The following ADA2 variants were observed in gnomAD, a reference collection of about 807,000 sequenced individuals.
ADA2 encodes the protein adenosine deaminase CECR1.
In ADA2, 29 loss-of-function variants were observed where a neutral mutation model predicts 44.2. The ratio of observed to expected loss-of-function variants is 0.66; its 90% CI spans 0.49 to 0.89. ADA2 has a LOEUF of 0.89. Ranked by LOEUF, ADA2 falls within the 40% of genes least tolerant of loss-of-function variation. The pLI is 0.00. For synonymous variants in ADA2, 215 were observed against 234.9 expected (o/e 0.92, Z 0.77); for missense variants, 637 against 644.8 (o/e 0.99, Z 0.13).
Position 17,203,735 on chromosome 22 carries a change from T to A in ADA2, c.581A>T (p.Glu194Val). ...AACATTTTGGTTTGTGTAAATCACC[T>A]CCGGGTGCTGGGTCACCAGAGTGAA... ...RNFTLVTQHP[E>V]VIYTNQNVVW... The change falls in exon 4 of 10, where the codon GAG (glutamate) becomes GTG (valine). Residue 194 changes from glutamate (E) to valine (V), a missense_variant. By Grantham distance (121) the Glu-to-Val change is moderately radical (BLOSUM62 -2). Transcript: ENST00000399837. 1 of 1,614,096 alleles carries A rather than the reference T, an allele frequency of 6.2e-7. No individual in the cohort carries two copies. The highest frequency in any genetic ancestry group is 8.5e-7 in the Non-Finnish European group (1 of 1,179,948).
chr22:17,211,879 G>T (rs2062422239), intron 1 of ADA2, among the ~76,000 whole-genome samples: 1 of 151,834 alleles, frequency 6.6e-6, no homozygotes, highest in Non-Finnish European at 1.5e-5. Context: ...AGTGAGCCAA[G>T]ATCGTGCCAC....
intron 1 of ADA2, among the ~76,000 whole-genome samples, chr22:17,212,223 C>T (rs1474460860): frequency 6.6e-6 from 1 of 152,012 alleles, no homozygotes; most frequent in Non-Finnish European, 1.5e-5. Context: ...GATGGGGTTT[C>T]ACCACGTTGG....
In ADA2 at chr22:17,193,393, G is replaced by A. The variant is rs185848239; in HGVS notation, c.754-1583C>T. The A allele has an allele frequency of 2.3e-3, 960 of 413,010 alleles. 11 individuals are homozygous for A. Among genetic ancestry groups the A allele is most frequent in the African/African-American group, 0.019 (838 of 44,900 alleles). The allele number at this position is 413,010 out of a possible 1,614,324, so 25.6% of individuals were successfully genotyped here. On this transcript the variant is annotated intron_variant, in intron 4 of 9. Coordinates refer to ENST00000399837, the MANE Select transcript of ADA2 (RefSeq NM_001282225.2). Reference sequence around the variant, plus strand: ...AAAAAAAAAAAAAAAAAAGGACAGCGCGGTGGCTCACGCCTGTAATCCCAG... The same window carrying A: ...AAAAAAAAAAAAAAAAAAGGACAGCACGGTGGCTCACGCCTGTAATCCCAG...
In ADA2 at chr22:17,207,395, G is replaced by A. The variant is rs1184338606; in HGVS notation, c.323-105C>T. 1.4e-5 allele frequency: 11 copies of A among 797,544 alleles called. No individual in the cohort carries two copies. The Admixed American group carries it at 2.8e-4, about 20-fold the overall frequency. 49.4% of individuals were successfully genotyped at this position (797,544 alleles called of 1,614,324 possible). ...GGTGAAGTCCCATCCCAGGACTCTG[G>A]GGCTGTGGGGACAAAGGGGTGAAGT... On this transcript the variant is annotated intron_variant, in intron 2 of 9. Transcript: ENST00000399837.
At chr22:17,200,914 G>A (rs1016387952) in intron 4 of ADA2, among the ~76,000 whole-genome samples, 16 of 150,796 alleles carry the variant, frequency 1.1e-4, no homozygotes, top group African/African-American at 3.9e-4. Flanking sequence ...AAGGAAAAAG[G>A]TGGGTCAGTC....
chr22:17,216,772 ACAC>A (rs2062477825), intron 1 of ADA2, among the ~76,000 whole-genome samples: 1 of 103,480 alleles, frequency 9.7e-6, no homozygotes, highest in South Asian at 3.0e-4. Context: ...AAAAAAAAAA[ACAC>A]ACACACACAC....
intron 7 of ADA2, 93 bp downstream of exon 7, chr22:17,188,246 G>GCCT: frequency 1.2e-6 from 1 of 826,032 alleles, no homozygotes; most frequent in Non-Finnish European, 2.0e-6. Flanking sequence ...CTCTGGAAAC[G>GCCT]CCTGTAGGCT....
At chr22:17,210,242 G>C (rs1428931922) in intron 1 of ADA2, among the ~76,000 whole-genome samples, 1 of 149,250 alleles carries the variant, frequency 6.7e-6, no homozygotes, top group Non-Finnish European at 1.5e-5. Flanking sequence ...CTAGGCTGGA[G>C]TGTAATGGTG....
At position 17,190,157 on chromosome 22, in the gene ADA2, GGCACCCCT is replaced by G. The variant is rs899223705; in HGVS notation, c.882-133_882-126del. 9 of 714,228 alleles carry G rather than the reference GGCACCCCT, an allele frequency of 1.3e-5. No individual in the cohort carries two copies. The African/African-American group carries it at 1.6e-4, about 12-fold the overall frequency. The allele number at this position is 714,228 out of a possible 1,614,324, so 44.2% of individuals were successfully genotyped here. ...TGCAGGTCCCGTTTCCCAAACCTGA[GGCACCCCT>G]GCCCTCCTGACCCCACCCTGACCAG... On this transcript the variant is annotated intron_variant, in intron 5 of 9. Transcript: ENST00000399837.
Position 17,188,868 on chromosome 22 carries a change from A to AAAAAAAAAAAAAAATATATATATATATAT in ADA2, c.973-422_973-421insATATATATATATATATTTTTTTTTTTTTT. 9.5e-4 allele frequency: 77 copies of AAAAAAAAAAAAAAATATATATATATATAT among 81,140 alleles called. 2 individuals are homozygous for AAAAAAAAAAAAAAATATATATATATATAT. The highest frequency in any genetic ancestry group is 1.5e-3 in the South Asian group (3 of 1,982). The allele number at this position is 81,140 out of a possible 1,614,324, so 5.0% of individuals were successfully genotyped here. A position where few individuals can be genotyped will look rare whatever the true frequency, so the allele number is the denominator to read the frequency against. On this transcript the variant is annotated intron_variant, in intron 6 of 9. Coordinates refer to ENST00000399837, the MANE Select transcript of ADA2 (RefSeq NM_001282225.2). ...CACTACAGCCTGGCCAAGAGCAAAAAATATATATATATATATATTTTGTAA... is the reference window on the plus strand; with the variant it reads ...CACTACAGCCTGGCCAAGAGCAAAAAAAAAAAAAAAAAAATATATATATATATATATATATATATATATATATTTTGTAA...
chr22:17,186,513 C>G lies in ADA2; in HGVS notation c.1081+1826G>C, dbSNP rs189049397. Among the ~76,000 whole-genome samples, 363 of 152,006 alleles carry G rather than the reference C, an allele frequency of 2.4e-3. 1 individual carries two copies. The highest frequency in any genetic ancestry group is 8.3e-3 in the African/African-American group (344 of 41,470). On this transcript the variant is annotated intron_variant, in intron 7 of 9. Coordinates refer to ENST00000399837, the MANE Select transcript of ADA2 (RefSeq NM_001282225.2). ...ACGAGAATCACTTGAACCTGGCAGC[C>G]AGAGGTTGCAGTGAGCCGAGATCGC...
At chr22:17,191,585 C>A (rs1288422935) in intron 5 of ADA2, 98 bp downstream of exon 5, 1 of 1,338,036 alleles carries the variant, frequency 7.5e-7, no homozygotes, top group Non-Finnish European at 1.0e-6. Flanking sequence ...CCTCTCCCGG[C>A]CTCCCAGCCC....
chr22:17,190,726 C>T (rs1340251696), intron 5 of ADA2, among the ~76,000 whole-genome samples: 1 of 152,216 alleles, frequency 6.6e-6, no homozygotes, highest in Non-Finnish European at 1.5e-5. Flanking sequence ...CCTGGGGGCA[C>T]TGATGCACTC....
At chr22:17,199,416 T>TCCTCCCTACCCTCCTCTATCCTCTTCC in intron 4 of ADA2, 4 of 429,630 alleles carry the variant, frequency 9.3e-6, no homozygotes, top group East Asian at 3.9e-5. Context: ...TCTCAGCGTC[T>TCCTCCCTACCCTCCTCTATCCTCTTCC]CCTCCCTCCC....
upstream of ADA2, among the ~76,000 whole-genome samples, chr22:17,221,443 G>A (rs1348916180): frequency 1.4e-5 from 2 of 145,468 alleles, no homozygotes; most frequent in Non-Finnish European, 3.0e-5. Context: ...CCCCAGCCCC[G>A]ACCCCCCCGA....
At chr22:17,196,070 G>T (rs2062186828) in intron 4 of ADA2, among the ~76,000 whole-genome samples, 1 of 151,830 alleles carries the variant, frequency 6.6e-6, no homozygotes, top group African/African-American at 2.4e-5. Context: ...ATTTTGGCTG[G>T]GTGCAATAGC....
chr22:17,183,751 C>T (rs577436046), intron 7 of ADA2, among the ~76,000 whole-genome samples: 38 of 152,060 alleles, frequency 2.5e-4, no homozygotes, highest in African/African-American at 8.4e-4. Flanking sequence ...CATGAGCCAC[C>T]GCACCGGGCT....
Position 17,198,079 on chromosome 22 carries a change from C to T in ADA2, c.753+5484G>A, listed in dbSNP as rs530987748. Among the ~76,000 whole-genome samples, 11 of 152,178 alleles carry T rather than the reference C, an allele frequency of 7.2e-5. 1 individual carries two copies. The South Asian group carries it at 2.3e-3, about 32-fold the overall frequency. ...AAAAAAATTGAGAAACTCAGTACCC[C>T]TGCATAATTAGTGGGGCTGGAGGCC... On this transcript the variant is annotated intron_variant, in intron 4 of 9. Transcript: ENST00000399837.
At position 17,215,584 on chromosome 22, in the gene ADA2, C is replaced by G. The variant is rs369398654; in HGVS notation, c.-47+3772G>C. 2.0e-5 allele frequency among the ~76,000 whole-genome samples: 3 copies of G among 147,244 alleles called. No homozygotes were observed. In the South Asian group the frequency reaches 6.4e-4, roughly 32 times the overall value. ...TCATGCCATTGCACTCCAGCCTGGG[C>G]GACAGAGCAAGACTCCGTCTCAAAA... On this transcript the variant is annotated intron_variant, in intron 1 of 9. Coordinates refer to ENST00000399837, the MANE Select transcript of ADA2 (RefSeq NM_001282225.2).
Sources: allele counts gnomAD v4.1 joint callset (sites outside exome capture counted in the v4.1 genomes callset), GRCh38; gene constraint gnomAD v4.1.1; transcripts MANE v1.5; gene names NCBI Gene and HGNC (gene_info 2026-07-23, HGNC 2026-07-21).